ARNT2: variants seen among roughly 807,000 people sequenced by gnomAD.
ARNT2 encodes ARNT protein 2.
In ARNT2, 36 loss-of-function variants were observed where a neutral mutation model predicts 91.7. The observed-to-expected ratio is 0.39, with a 90% confidence interval of 0.30 to 0.52. The LOEUF (loss-of-function observed/expected upper bound fraction) is 0.52. Among genes scored for constraint, ARNT2 ranks in the 20% least tolerant of loss-of-function variants. ARNT2 has a pLI of 0.72. For synonymous variants in ARNT2, 365 were observed against 347.1 expected (o/e 1.05, Z -0.57); for missense variants, 775 against 939.3 (o/e 0.83, Z 2.29).
At chr15:80,513,769 A>T in intron 6 of ARNT2, 142 bp from the exon 7 acceptor site, 1 of 633,280 alleles carries the variant, frequency 1.6e-6, no homozygotes, top group Non-Finnish European at 2.8e-6. Flanking sequence ...CTGCTTCTGC[A>T]CTTTTGAAGA....
intron 2 of ARNT2, among the ~76,000 whole-genome samples, chr15:80,456,974 T>C (rs756132226): frequency 2.0e-5 from 3 of 152,052 alleles, no homozygotes; most frequent in Non-Finnish European, 4.4e-5. Flanking sequence ...ATGCAGGGAC[T>C]CTGAGACATT....
chr15:80,513,935 C>T lies in ARNT2; in HGVS notation c.750C>T (p.His250=). The T allele has an allele frequency of 6.2e-7, 1 of 1,613,820 alleles. No homozygotes were observed. The change falls in exon 7 of 19, where the codon CAC becomes CAT. Residue 250 remains histidine (H), a synonymous_variant. Transcript: ENST00000303329. ...RMRCGNAPLD[H]LPLNRITTMR... The stretch of plus-strand genomic sequence containing the variant: ...GGTGTGGAAATGCTCCTTTGGACCA[C>T]CTTCCTCTAAACAGAATAACCACCA...
intron 1 of ARNT2, chr15:80,442,896 G>A (rs928270575): frequency 6.1e-6 from 6 of 985,282 alleles, no homozygotes; most frequent in East Asian, 2.3e-4. Flanking sequence ...ATCTGACGCC[G>A]ACACACTATT....
At chr15:80,460,146 C>A (rs959285045) in intron 3 of ARNT2, among the ~76,000 whole-genome samples, 2 of 152,196 alleles carry the variant, frequency 1.3e-5, no homozygotes, top group Non-Finnish European at 2.9e-5. Context: ...CAGCACCCAC[C>A]GTAGTTTGCT....
intron 10 of ARNT2, among the ~76,000 whole-genome samples, chr15:80,553,048 A>T (rs1471205612): frequency 2.0e-5 from 3 of 152,204 alleles, no homozygotes; most frequent in Non-Finnish European, 4.4e-5. Flanking sequence ...TGTTCTATTA[A>T]TAGGGGATCT....
chr15:80,552,713 C>G lies in ARNT2; in HGVS notation c.1028C>G (p.Ser343Cys). The G allele has an allele frequency of 6.2e-7, 1 of 1,614,108 alleles. No individual in the cohort carries two copies. Among genetic ancestry groups the G allele is most frequent in the Non-Finnish European group, 8.5e-7 (1 of 1,180,004 alleles). ...ACAGAGTTCTTATCCCGGCATAACT[C>G]CGATGGAATCATCACATTTGTGGAT... ...VPTEFLSRHN[S>C]DGIITFVDPR... The change falls in exon 10 of 19, where the codon TCC becomes TGC. Residue 343 changes from serine (S) to cysteine (C), a missense_variant. Coordinates refer to ENST00000303329, the MANE Select transcript of ARNT2 (RefSeq NM_014862.4).
intron 3 of ARNT2, among the ~76,000 whole-genome samples, chr15:80,463,577 T>A (rs1470668996): frequency 6.7e-4 from 2 of 2,980 alleles, no homozygotes; most frequent in Non-Finnish European, 1.3e-3. Context: ...GTGATTTCCT[T>A]TTTTTTTTTT....
At position 80,473,184 on chromosome 15, in the gene ARNT2, G is replaced by A. The variant is rs140370442; in HGVS notation, c.409-1826G>A. ...AAGTTGCACAGCTAAGTGGGAGAGC[G>A]GTAGGTGATAGTCTCCTTTTACTCC... On this transcript the variant is annotated intron_variant, in intron 4 of 18. Transcript: ENST00000303329. Among the ~76,000 whole-genome samples the A allele has an allele frequency of 1.4e-3, 216 of 152,278 alleles. 1 individual carries two copies. The highest frequency in any genetic ancestry group is 5.0e-3 in the African/African-American group (207 of 41,544).
At chr15:80,447,475 A>C (rs569812137) in intron 1 of ARNT2, among the ~76,000 whole-genome samples, 126 of 152,346 alleles carry the variant, frequency 8.3e-4, no homozygotes, top group Admixed American at 2.5e-3. Flanking sequence ...ACTGGCTTGC[A>C]GGGCTGCTCT....
intron 17 of ARNT2, among the ~76,000 whole-genome samples, chr15:80,589,387 G>A (rs1199342775): frequency 6.6e-6 from 1 of 152,170 alleles, no homozygotes; most frequent in Admixed American, 6.5e-5. Context: ...GCAAAGGGAA[G>A]GAGAGGTAGG....
chr15:80,567,999 A>G (rs376807227), intron 12 of ARNT2, among the ~76,000 whole-genome samples: 23 of 152,304 alleles, frequency 1.5e-4, no homozygotes, highest in East Asian at 7.7e-4. Context: ...AGTGTGGGCA[A>G]TTTGCAAGCT....
At chr15:80,453,529 T>C (rs951711300) in intron 2 of ARNT2, among the ~76,000 whole-genome samples, 2 of 152,256 alleles carry the variant, frequency 1.3e-5, no homozygotes, top group East Asian at 3.8e-4. Context: ...GCTGAAATTC[T>C]ATGACTGAGG....
chr15:80,447,563 G>A (rs1040131734), intron 1 of ARNT2, among the ~76,000 whole-genome samples: 1 of 152,148 alleles, frequency 6.6e-6, no homozygotes, highest in Non-Finnish European at 1.5e-5. Context: ...ACCTGAACAG[G>A]GACCTTCCTA....
At chr15:80,584,053 G>T (rs929720469) in intron 17 of ARNT2, among the ~76,000 whole-genome samples, 26 of 152,372 alleles carry the variant, frequency 1.7e-4, no homozygotes, top group Non-Finnish European at 3.1e-4. Context: ...GATGCAGGGA[G>T]AGTGTGTTGA....
chr15:80,566,203 G>A (rs554600739), intron 12 of ARNT2, among the ~76,000 whole-genome samples: 1 of 152,254 alleles, frequency 6.6e-6, no homozygotes, highest in East Asian at 1.9e-4. Flanking sequence ...GCCAGCTCTT[G>A]CCTGCAGCCC....
At chr15:80,408,139 T>G (rs1427888113) in intron 1 of ARNT2, among the ~76,000 whole-genome samples, 1 of 152,234 alleles carries the variant, frequency 6.6e-6, no homozygotes, top group Non-Finnish European at 1.5e-5. Context: ...AATTGTATAG[T>G]GCAGGAAGAT....
At chr15:80,434,120 A>G (rs1294817006) in intron 1 of ARNT2, 1 of 152,204 alleles carries the variant, frequency 6.6e-6, no homozygotes, top group Non-Finnish European at 1.5e-5. Context: ...GGCTTTGGGG[A>G]AAAAGGCTTC....
At chr15:80,440,157 G>C (rs1489540013) in intron 1 of ARNT2, among the ~76,000 whole-genome samples, 1 of 152,158 alleles carries the variant, frequency 6.6e-6, no homozygotes, top group Non-Finnish European at 1.5e-5. Context: ...AGATGTTCTG[G>C]GCTGGCTTCT....
intron 1 of ARNT2, among the ~76,000 whole-genome samples, chr15:80,425,872 A>T (rs966527058): frequency 6.6e-6 from 1 of 152,180 alleles, no homozygotes; most frequent in Non-Finnish European, 1.5e-5. Flanking sequence ...ACATAGTGAG[A>T]CCTTGTCTGT....
Sources: gnomAD v4.1 joint callset for allele counts (sites outside exome capture counted in the v4.1 genomes callset) on GRCh38, gnomAD v4.1.1 for gene constraint, MANE v1.5 for transcripts, NCBI Gene and HGNC (gene_info 2026-07-23, HGNC 2026-07-21) for gene names.